The following SKAP1 variants were observed in gnomAD, a reference collection of about 807,000 sequenced individuals.
SKAP1 encodes src kinase-associated phosphoprotein 1.
Under a neutral mutation model 58.5 loss-of-function variants are expected in SKAP1, and 44 were observed. The ratio of observed to expected loss-of-function variants is 0.75; its 90% confidence interval spans 0.59 to 0.97. The LOEUF is 0.97. Among genes scored for constraint, SKAP1 ranks in the 50% least tolerant of loss-of-function variants. SKAP1 has a pLI of 0.00. For missense variants in SKAP1, 390 were observed against 435.2 expected (o/e 0.90, Z 0.92); for synonymous variants, 127 against 149.7 (o/e 0.85, Z 1.11).
intron 2 of SKAP1, chr17:48,377,489 G>C (rs1008234450): frequency 6.6e-6 from 1 of 150,998 alleles, no homozygotes; most frequent in Non-Finnish European, 1.5e-5. Flanking sequence ...GAGGTGGGAG[G>C]ACTGCTTTAG....
chr17:48,401,838 C>T (rs1392472165), intron 1 of SKAP1, among the ~76,000 whole-genome samples: 1 of 152,020 alleles, frequency 6.6e-6, no homozygotes, highest in African/African-American at 2.4e-5. Context: ...AAAAGGATAA[C>T]CCACAGAATG....
intron 2 of SKAP1, among the ~76,000 whole-genome samples, chr17:48,390,710 T>G (rs754722271): frequency 9.2e-5 from 14 of 151,966 alleles, no homozygotes; most frequent in Non-Finnish European, 1.5e-4. Flanking sequence ...CTTTTCACTC[T>G]TGATTGAGGA....
chr17:48,205,912 G>C (rs904613803), intron 4 of SKAP1, among the ~76,000 whole-genome samples: 1 of 152,118 alleles, frequency 6.6e-6, no homozygotes, highest in Non-Finnish European at 1.5e-5. Flanking sequence ...CACAATATGT[G>C]CTCCATCAAA....
intron 4 of SKAP1, among the ~76,000 whole-genome samples, chr17:48,190,891 A>T (rs1260480055): frequency 1.3e-5 from 2 of 152,232 alleles, no homozygotes; most frequent in Non-Finnish European, 2.9e-5. Context: ...AGGATGAGGC[A>T]CAAGAATCTC....
At chr17:48,151,639 A>T (rs2063903756) in intron 11 of SKAP1, among the ~76,000 whole-genome samples, 2 of 152,220 alleles carry the variant, frequency 1.3e-5, no homozygotes, top group African/African-American at 2.4e-5. Flanking sequence ...GATGGGCTAC[A>T]GCCTTGCACT....
intron 1 of SKAP1, 136 bp from the exon 2 acceptor site, chr17:48,396,921 G>T: frequency 2.1e-5 from 9 of 438,924 alleles, no homozygotes; most frequent in East Asian, 4.5e-5. Context: ...AAAACTTAAA[G>T]TATAATAAAA....
At chr17:48,401,632 C>A (rs982083632) in intron 1 of SKAP1, among the ~76,000 whole-genome samples, 1 of 151,738 alleles carries the variant, frequency 6.6e-6, no homozygotes, top group African/African-American at 2.4e-5. Flanking sequence ...AAAAATGGAT[C>A]AAAGACCTAA....
chr17:48,180,056 G>A lies in SKAP1; in HGVS notation c.824C>T (p.Pro275Leu). Residue 275 changes from proline (P) to leucine (L), a missense_variant and splice_region_variant, in exon 9 of 13, where the codon CCA (proline) becomes CTA (leucine). Pro to Leu is a moderately conservative substitution (Grantham distance 98). Transcript: ENST00000336915. The part of the protein sequence containing the change: ...KEEEDIYEVL[P>L]DEEHDLEEDE... ...AATCAGAGGACAAAATTTCTCACCT[G>A]GCAAGACTTCATAAATATCTTCTTC... The A allele has an allele frequency of 1.3e-6, 2 of 1,585,552 alleles. No individual in the cohort carries two copies. Among genetic ancestry groups the A allele is most frequent in the Non-Finnish European group, 1.7e-6 (2 of 1,168,076 alleles).
At chr17:48,148,628 G>T (rs1053922180) in intron 11 of SKAP1, among the ~76,000 whole-genome samples, 2 of 152,192 alleles carry the variant, frequency 1.3e-5, no homozygotes, top group African/African-American at 2.4e-5. Context: ...CTCCCTGAGA[G>T]AGGCGCCTTG....
upstream of SKAP1, among the ~76,000 whole-genome samples, chr17:48,434,852 A>G (rs1445232521): frequency 6.6e-6 from 1 of 152,158 alleles, no homozygotes; most frequent in East Asian, 1.9e-4. Flanking sequence ...TCCTCCATCT[A>G]AATAGTAATG....
chr17:48,325,855 T>C (rs1490283030), intron 4 of SKAP1, among the ~76,000 whole-genome samples: 1 of 152,228 alleles, frequency 6.6e-6, no homozygotes, highest in African/African-American at 2.4e-5. Flanking sequence ...TGTATATCTT[T>C]CCAGACTTTG....
chr17:48,187,805 AGGAGTGAGATGCTGCTGTG>A lies in SKAP1; in HGVS notation c.442+19_442+37del. On this transcript the variant is annotated intron_variant, in intron 6 of 12. Transcript: ENST00000336915. Reference sequence around the variant, plus strand: ...GAGAATTTACGAAGTGTTTGCATCCAGGAGTGAGATGCTGCTGTGTAAATGAAGAACACTTACTCTTCTC... The same window carrying A: ...GAGAATTTACGAAGTGTTTGCATCCATAAATGAAGAACACTTACTCTTCTC... The A allele has an allele frequency of 7.1e-7, 1 of 1,417,406 alleles. No individual in the cohort carries two copies. Among genetic ancestry groups the A allele is most frequent in the Non-Finnish European group, 1.0e-6 (1 of 1,002,294 alleles). The allele number at this position is 1,417,406 out of a possible 1,614,324, so 87.8% of individuals were successfully genotyped here. A position where few individuals can be genotyped will look rare whatever the true frequency, so the allele number is the denominator to read the frequency against.
chr17:48,391,079 A>G (rs746311803), intron 2 of SKAP1, among the ~76,000 whole-genome samples: 5 of 152,184 alleles, frequency 3.3e-5, no homozygotes, highest in Non-Finnish European at 5.9e-5. Context: ...CAAAAAAACA[A>G]AAAACTAACT....
chr17:48,262,131 A>G (rs1402525090), intron 4 of SKAP1, among the ~76,000 whole-genome samples: 1 of 152,216 alleles, frequency 6.6e-6, no homozygotes, highest in Non-Finnish European at 1.5e-5. Context: ...TGGAGGGCCT[A>G]CCTGAGGCGG....
intron 4 of SKAP1, among the ~76,000 whole-genome samples, chr17:48,190,289 T>C (rs959729205): frequency 1.3e-5 from 2 of 151,886 alleles, no homozygotes; most frequent in Non-Finnish European, 2.9e-5. Flanking sequence ...TTTTGTTGTA[T>C]TTTTAGTAGA....
intron 1 of SKAP1, among the ~76,000 whole-genome samples, chr17:48,407,085 A>G (rs946543873): frequency 4.6e-5 from 7 of 152,204 alleles, no homozygotes; most frequent in African/African-American, 1.7e-4. Flanking sequence ...TTAAACATTA[A>G]AAACACATAC....
At chr17:48,400,760 T>TA (rs71366870) in intron 1 of SKAP1, among the ~76,000 whole-genome samples, 4,424 of 148,394 alleles carry the variant, frequency 0.03, 242 homozygotes, top group African/African-American at 0.1. Context: ...AAATAAAAAT[T>TA]AAAAAAAAAG....
At chr17:48,324,271 T>C (rs997874278) in intron 4 of SKAP1, among the ~76,000 whole-genome samples, 1 of 152,118 alleles carries the variant, frequency 6.6e-6, no homozygotes, top group Non-Finnish European at 1.5e-5. Context: ...ATGACTCTTC[T>C]ACTGACAACA....
chr17:48,246,668 C>T (rs1002802824), intron 4 of SKAP1, among the ~76,000 whole-genome samples: 1 of 152,134 alleles, frequency 6.6e-6, no homozygotes, highest in Admixed American at 6.5e-5. Flanking sequence ...ACAGCTTGGA[C>T]CACATTTCAG....
Sources: allele counts gnomAD v4.1 joint callset (sites outside exome capture counted in the v4.1 genomes callset), GRCh38; gene constraint gnomAD v4.1.1; transcripts MANE v1.5; gene names NCBI Gene and HGNC (gene_info 2026-07-23, HGNC 2026-07-21).